Variants in ZDHHC21 observed in about 807,000 individuals in gnomAD.
ZDHHC21 encodes zDHHC palmitoyltransferase 21.
In ZDHHC21, 15 loss-of-function variants were observed where a neutral mutation model predicts 34.6. The observed-to-expected ratio is 0.43, with a 90% CI of 0.29 to 0.67. The LOEUF is 0.67. Ranked by LOEUF, ZDHHC21 falls within the 30% of genes least tolerant of loss-of-function variation. The pLI, the probability that ZDHHC21 is intolerant of heterozygous loss-of-function variation, is 0.14. For missense variants in ZDHHC21, 344 were observed against 327.7 expected (o/e 1.05, Z -0.38); for synonymous variants, 142 against 101.8 (o/e 1.40, Z -2.38).
At chr9:14,665,795 T>C (rs892873113) in intron 5 of ZDHHC21, among the ~76,000 whole-genome samples, 1 of 146,972 alleles carries the variant, frequency 6.8e-6, no homozygotes, top group African/African-American at 2.5e-5. Flanking sequence ...GACAAGCAAA[T>C]GCTGACCAAT....
At chr9:14,636,444 C>G in intron 8 of ZDHHC21, among the ~76,000 whole-genome samples, 1 of 152,060 alleles carries the variant, frequency 6.6e-6, no homozygotes, top group Non-Finnish European at 1.5e-5. Flanking sequence ...AAGATAGACT[C>G]TAATACAGTA....
chr9:14,661,624 T>C (rs1833412226), intron 6 of ZDHHC21, among the ~76,000 whole-genome samples: 1 of 152,212 alleles, frequency 6.6e-6, no homozygotes, highest in African/African-American at 2.4e-5. Context: ...ATTTCTCAAC[T>C]GAACATTTTC....
At chr9:14,659,014 A>T in intron 6 of ZDHHC21, 127 bp from the exon 7 acceptor site, 1 of 898,024 alleles carries the variant, frequency 1.1e-6, no homozygotes, top group South Asian at 1.9e-5. Context: ...TGCTATGGCC[A>T]CTTGAAGGTA....
At chr9:14,619,244 G>T in intron 9 of ZDHHC21, 146 bp from the exon 10 acceptor site, 1 of 911,364 alleles carries the variant, frequency 1.1e-6, no homozygotes, top group Non-Finnish European at 1.6e-6. Flanking sequence ...CTTTCATTAT[G>T]GCATGCAGCT....
intron 5 of ZDHHC21, among the ~76,000 whole-genome samples, chr9:14,671,015 CTA>C (rs1835350676): frequency 6.6e-6 from 1 of 151,630 alleles, no homozygotes; most frequent in Non-Finnish European, 1.5e-5. Context: ...TTTAAAAAGA[CTA>C]TGAGAAAAAG....
the ZDHHC21 span, among the ~76,000 whole-genome samples, chr9:14,596,856 C>G: frequency 3.3e-5 from 5 of 152,130 alleles, no homozygotes; most frequent in Admixed American, 1.3e-4. Flanking sequence ...ACATTGAATA[C>G]AGCATCTTAG....
At chr9:14,670,244 A>G (rs1587354527) in intron 5 of ZDHHC21, among the ~76,000 whole-genome samples, 1 of 152,250 alleles carries the variant, frequency 6.6e-6, no homozygotes, top group East Asian at 1.9e-4. Flanking sequence ...TTTTATATCT[A>G]AAATGTATTC....
intron 5 of ZDHHC21, among the ~76,000 whole-genome samples, chr9:14,664,409 C>G (rs1296749949): frequency 1.3e-5 from 2 of 150,720 alleles, no homozygotes; most frequent in Non-Finnish European, 3.0e-5. Context: ...GATCAAACTG[C>G]AAGGCGGCAG....
chr9:14,607,628 G>A (rs75239141), downstream of ZDHHC21, among the ~76,000 whole-genome samples: 475 of 151,758 alleles, frequency 3.1e-3, 6 homozygotes, highest in East Asian at 0.022. Context: ...GGCTGGGGGC[G>A]GGGGGGAAGT....
chr9:14,605,295 C>T, the ZDHHC21 span, among the ~76,000 whole-genome samples: 4 of 151,496 alleles, frequency 2.6e-5, no homozygotes, highest in Non-Finnish European at 5.9e-5. Flanking sequence ...TTTTTCAAAA[C>T]AGCTGCACCA....
the ZDHHC21 span, among the ~76,000 whole-genome samples, chr9:14,591,161 C>T: frequency 9.9e-5 from 15 of 151,812 alleles, no homozygotes; most frequent in African/African-American, 3.6e-4. Context: ...TGAGTTACTC[C>T]AAAAAAGGCA....
chr9:14,634,544 A>T (rs1192286191), intron 8 of ZDHHC21, among the ~76,000 whole-genome samples: 2 of 152,136 alleles, frequency 1.3e-5, no homozygotes, highest in African/African-American at 2.4e-5. Flanking sequence ...ACATCCACTA[A>T]CAACCACACC....
At chr9:14,669,945 G>A (rs1232303183) in intron 5 of ZDHHC21, among the ~76,000 whole-genome samples, 1 of 149,674 alleles carries the variant, frequency 6.7e-6, no homozygotes, top group Admixed American at 6.7e-5. Context: ...CATGGCACAT[G>A]TATACATATG....
chr9:14,609,210 G>A (rs1313502667), downstream of ZDHHC21, among the ~76,000 whole-genome samples: 2 of 152,162 alleles, frequency 1.3e-5, no homozygotes, highest in African/African-American at 4.8e-5. Flanking sequence ...GCTTGTTCTT[G>A]AGCACATTTT....
At chr9:14,669,544 C>CA (rs1394144290) in intron 5 of ZDHHC21, among the ~76,000 whole-genome samples, 4 of 151,270 alleles carry the variant, frequency 2.6e-5, no homozygotes, top group South Asian at 2.1e-4. Context: ...GCTATAAAGA[C>CA]ACATGCACAC....
chr9:14,676,077 G>A (rs1277305522), intron 3 of ZDHHC21, among the ~76,000 whole-genome samples: 2 of 151,996 alleles, frequency 1.3e-5, no homozygotes, highest in Admixed American at 1.3e-4. Context: ...AGCTATTGAA[G>A]CAGGGGATTA....
chr9:14,624,145 C>G (rs1467662693), intron 8 of ZDHHC21, among the ~76,000 whole-genome samples: 9 of 151,918 alleles, frequency 5.9e-5, no homozygotes, highest in Admixed American at 4.6e-4. Flanking sequence ...AGTTTAACAA[C>G]TATTTACATA....
At chr9:14,610,512 G>T (rs945423746), downstream of ZDHHC21, among the ~76,000 whole-genome samples, 5 of 151,838 alleles carry the variant, frequency 3.3e-5, no homozygotes, top group Non-Finnish European at 7.4e-5. Flanking sequence ...ATTTTTAAAA[G>T]AATTTAAAAA....
chr9:14,651,530 T>C (rs1831241760), intron 7 of ZDHHC21, among the ~76,000 whole-genome samples: 1 of 151,894 alleles, frequency 6.6e-6, no homozygotes, highest in South Asian at 2.1e-4. Flanking sequence ...AACCATACTA[T>C]TTATCCCTTC....
Sources: gnomAD v4.1 joint callset for allele counts (sites outside exome capture counted in the v4.1 genomes callset) on GRCh38, gnomAD v4.1.1 for gene constraint, MANE v1.5 for transcripts, NCBI Gene and HGNC (gene_info 2026-07-23, HGNC 2026-07-21) for gene names.